FANCM: variants seen among roughly 807,000 people sequenced by gnomAD.
FANCM encodes Fanconi anemia group M protein.
A neutral mutation model predicts 199.5 loss-of-function variants in FANCM; 140 were observed. The ratio of observed to expected loss-of-function variants is 0.70; its 90% CI spans 0.61 to 0.81. The LOEUF (loss-of-function observed/expected upper bound fraction) is 0.81. Ranked by LOEUF, FANCM falls within the 30% of genes least tolerant of loss-of-function variation. FANCM has a pLI of 0.00. For missense variants in FANCM, 2,410 were observed against 2,421.4 expected, an observed-to-expected ratio of 1.00 and a Z score of 0.10; for synonymous variants, 840 against 836.8, an observed-to-expected ratio of 1.00 and a Z score of -0.07.
At position 45,148,895 on chromosome 14, in the gene FANCM, A is replaced by T; in HGVS notation, c.818A>T (p.Asp273Val). ...GGGCAGATAGAGCTTCGTTCTGAAG[A>T]TTCTCCAGATATTTTGACATATTCT... ...LIGQIELRSE[D>V]SPDILTYSHE... Residue 273 changes from aspartate to valine, a missense_variant, in exon 4 of 23, where the codon GAT becomes GTT. Physicochemically the swap from Asp to Val is radical, Grantham distance 152. Coordinates refer to ENST00000267430, the MANE Select transcript of FANCM (RefSeq NM_020937.4). The T allele has an allele frequency of 1.2e-6, 2 of 1,612,608 alleles. No individual in the cohort carries two copies. The highest frequency in any genetic ancestry group is 1.7e-6 in the Non-Finnish European group (2 of 1,178,760).
At position 45,153,937 on chromosome 14, in the gene FANCM, A is replaced by T; in HGVS notation, c.1068A>T (p.Ile356=). Residue 356 remains isoleucine (I), a synonymous_variant, in exon 6 of 23, where the codon ATA becomes ATT. Coordinates refer to ENST00000267430, the MANE Select transcript of FANCM (RefSeq NM_020937.4). ...TTTTCTAGGGAATACAACAAGGCAT[A>T]ATCGAGGGAGAGTTTGCTATTTGTA... The part of the protein sequence containing the change: ...SPNIVGIQQG[I]IEGEFAICIS... 1 of 1,609,948 alleles carries T rather than the reference A, an allele frequency of 6.2e-7. No individual in the cohort carries two copies. Among genetic ancestry groups the T allele is most frequent in the Non-Finnish European group, 8.5e-7 (1 of 1,176,270 alleles).
At position 45,196,399 on chromosome 14, in the gene FANCM, C is replaced by T. The variant is rs771670832; in HGVS notation, c.5568C>T (p.Ile1856=). Residue 1856 remains isoleucine, a synonymous_variant, in exon 21 of 23, where the codon ATC becomes ATT. Transcript: ENST00000267430. ...EVCPLNGCDY[I]VSNRMVVERR... is the part of the protein sequence containing the mutation. ...GTCCTCTTAATGGCTGTGATTACAT[C>T]GTGAGTAATCGCATGGTGGTGGAAA... 7.4e-6 allele frequency: 12 copies of T among 1,613,824 alleles called. No individual in the cohort carries two copies. The highest frequency in any genetic ancestry group is 1.6e-4 in the Middle Eastern group (1 of 6,084).
intron 20 of FANCM, among the ~76,000 whole-genome samples, chr14:45,194,266 C>T (rs374570084): frequency 6.7e-6 from 1 of 150,028 alleles, no homozygotes; most frequent in African/African-American, 2.5e-5. Flanking sequence ...TGCACCATTG[C>T]ACTCCAGCCT....
chr14:45,156,547 A>T (rs1251800150), intron 8 of FANCM, among the ~76,000 whole-genome samples: 2 of 152,112 alleles, frequency 1.3e-5, no homozygotes, highest in Admixed American at 6.6e-5. Context: ...AGGTGCTGGG[A>T]GATAGATTCT....
intron 8 of FANCM, 22 bp downstream of exon 8, chr14:45,155,481 T>A (rs764958270): frequency 8.1e-7 from 1 of 1,230,270 alleles, no homozygotes; most frequent in Admixed American, 1.7e-5. Context: ...TTAGTAGCTT[T>A]AAGGCAAGAC....
chr14:45,141,255 TCCAGCCTGGGCGACAGAGCGA>T (rs1436547373), intron 3 of FANCM, among the ~76,000 whole-genome samples: 4 of 123,282 alleles, frequency 3.2e-5, no homozygotes, highest in Non-Finnish European at 4.7e-5. Flanking sequence ...GCCACTGCAC[TCCAGCCTGGGCGACAGAGCGA>T]GGCTCCGTCT....
intron 15 of FANCM, 54 bp from the exon 16 acceptor site, chr14:45,181,583 C>A (rs575814478): frequency 2.0e-6 from 3 of 1,528,536 alleles, no homozygotes; most frequent in Non-Finnish European, 2.7e-6. Flanking sequence ...TCCTTTTATA[C>A]CTTGGGCTTC....
intron 3 of FANCM, among the ~76,000 whole-genome samples, chr14:45,147,924 G>A (rs1443614482): frequency 6.9e-6 from 1 of 145,240 alleles, no homozygotes; most frequent in East Asian, 2.1e-4. Context: ...AAAGCCGGGC[G>A]TGATGCCTCA....
chr14:45,141,322 A>AAAAAACATAAAT (rs1186491235), intron 3 of FANCM, among the ~76,000 whole-genome samples: 1 of 151,572 alleles, frequency 6.6e-6, no homozygotes, highest in Non-Finnish European at 1.5e-5. Flanking sequence ...AGCAAAAAAC[A>AAAAAACATAAAT]AAAAACATAA....
At chr14:45,147,508 C>G (rs1299063843) in intron 3 of FANCM, among the ~76,000 whole-genome samples, 1 of 151,944 alleles carries the variant, frequency 6.6e-6, no homozygotes, top group African/African-American at 2.4e-5. Context: ...GTTTCAAATT[C>G]CTGGCTTCAA....
At chr14:45,150,245 T>C (rs1245315543) in intron 4 of FANCM, among the ~76,000 whole-genome samples, 2 of 152,232 alleles carry the variant, frequency 1.3e-5, no homozygotes, top group African/African-American at 4.8e-5. Context: ...TAAGCATTAT[T>C]GAGTTAAGAT....
At chr14:45,185,436 T>C in intron 18 of FANCM, 63 bp downstream of exon 18, 1 of 967,046 alleles carries the variant, frequency 1.0e-6, no homozygotes, top group Non-Finnish European at 1.5e-6. Context: ...ATTTAAATAT[T>C]TTAATCAGTT....
chr14:45,181,548 A>C (rs771021286), intron 15 of FANCM, 24 bp downstream of exon 15: 32 of 1,531,844 alleles, frequency 2.1e-5, no homozygotes, highest in Non-Finnish European at 2.5e-5. Flanking sequence ...TAATCACAAT[A>C]GTATAATCAT....
chr14:45,192,569 GGA>G (rs1333605181), intron 20 of FANCM, among the ~76,000 whole-genome samples: 1 of 152,168 alleles, frequency 6.6e-6, no homozygotes, highest in East Asian at 1.9e-4. Flanking sequence ...CTTGAAGCTG[GGA>G]GAGAGAGGTT....
rs1388696715 is a variant in FANCM at position 45,164,482 on chromosome 14, C to A, written c.1705C>A (p.Arg569Ser). 5.6e-6 allele frequency: 9 copies of A among 1,613,516 alleles called. No homozygotes were observed. The highest frequency in any genetic ancestry group is 7.6e-6 in the Non-Finnish European group (9 of 1,179,934). Residue 569 changes from arginine to serine, a missense_variant, in exon 10 of 23, where the codon CGT becomes AGT. By Grantham distance (110) the Arg-to-Ser change is moderately radical (BLOSUM62 -1). Coordinates refer to ENST00000267430, the MANE Select transcript of FANCM (RefSeq NM_020937.4). ...TTTTGATTCCCAGAAGAGCCCAATT[C>A]GTCTTGTACAACGAATGGGTAGAAC... ...ICFDSQKSPI[R>S]LVQRMGRTGR... is the part of the protein sequence containing the mutation.
chr14:45,155,387 A>G lies in FANCM; in HGVS notation c.1324A>G (p.Lys442Glu). The G allele has an allele frequency of 7.2e-7, 1 of 1,396,112 alleles. No homozygotes were observed. Among genetic ancestry groups the G allele is most frequent in the Non-Finnish European group, 1.0e-6 (1 of 986,058 alleles). The allele number at this position is 1,396,112 out of a possible 1,614,324, so 86.5% of individuals were successfully genotyped here. Residue 442 changes from lysine to glutamate, a missense_variant, in exon 8 of 23, where the codon AAA (lysine) becomes GAA (glutamate). By Grantham distance (56) the Lys-to-Glu change is moderately conservative (BLOSUM62 1). Transcript: ENST00000267430. ...SAIQQGDKNKKFVYSHPKLKK... is the reference protein window; with the variant it reads ...SAIQQGDKNKEFVYSHPKLKK... ...TTTTGTTCCAGGAGATAAAAATAAA[A>G]AATTTGTTTATAGTCATCCAAAGTT...
Position 45,175,987 on chromosome 14 carries a change from C to G in FANCM, c.3233C>G (p.Pro1078Arg). 1 of 1,613,490 alleles carries G rather than the reference C, an allele frequency of 6.2e-7. No individual in the cohort carries two copies. The highest frequency in any genetic ancestry group is 8.5e-7 in the Non-Finnish European group (1 of 1,179,570). Residue 1078 changes from proline to arginine, a missense_variant, in exon 14 of 23, where the codon CCA (proline) becomes CGA (arginine). Pro to Arg is a moderately radical substitution (Grantham distance 103). Coordinates refer to ENST00000267430, the MANE Select transcript of FANCM (RefSeq NM_020937.4). ...DIPNDNISDE[P>R]SLCDCDVHKH... Reference sequence around the variant, plus strand: ...CCTAATGATAATATTTCTGATGAGCCAAGTCTCTGTGACTGTGATGTACAT... The same window carrying G: ...CCTAATGATAATATTTCTGATGAGCGAAGTCTCTGTGACTGTGATGTACAT...
At position 45,196,459 on chromosome 14, in the gene FANCM, T is replaced by C. The variant is rs1039452790; in HGVS notation, c.5628T>C (p.Asn1876=). The change falls in exon 21 of 23, where the codon AAT becomes AAC. Residue 1876 remains asparagine, a synonymous_variant. Transcript: ENST00000267430. ...RSQSEMLNSV[N]KNKFIEQIQH... ...AATCTGAGATGTTAAATAGTGTCAATAAGAACAAGTTCATTGAGCAGATCC... is the reference window on the plus strand; with the variant it reads ...AATCTGAGATGTTAAATAGTGTCAACAAGAACAAGTTCATTGAGCAGATCC... The C allele has an allele frequency of 6.8e-6, 11 of 1,614,092 alleles. No individual in the cohort carries two copies. The highest frequency in any genetic ancestry group is 8.5e-6 in the Non-Finnish European group (10 of 1,179,962).
intron 18 of FANCM, among the ~76,000 whole-genome samples, chr14:45,186,240 A>G (rs895665248): frequency 6.6e-6 from 1 of 152,194 alleles, no homozygotes; most frequent in African/African-American, 2.4e-5. Flanking sequence ...CTCATTGAGA[A>G]GGTGACATCA....
Sources: allele counts gnomAD v4.1 joint callset (sites outside exome capture counted in the v4.1 genomes callset), GRCh38; gene constraint gnomAD v4.1.1; transcripts MANE v1.5; gene names NCBI Gene and HGNC (gene_info 2026-07-23, HGNC 2026-07-21).